ASCC3: variants seen among roughly 807,000 people sequenced by gnomAD.
ASCC3 encodes the protein activating signal cointegrator 1 complex subunit 3.
ASCC3 carries 158 observed loss-of-function variants against 256.3 expected under a neutral mutation model. The observed-to-expected ratio is 0.62, with a 90% CI of 0.54 to 0.70. The LOEUF is 0.70. Ranked by LOEUF, ASCC3 falls within the 30% of genes least tolerant of loss-of-function variation. The pLI is 0.00. For synonymous variants in ASCC3, 948 were observed against 883.4 expected (o/e 1.07, Z -1.30); for missense variants, 2,259 against 2,626.0 (o/e 0.86, Z 3.05).
intron 13 of ASCC3, among the ~76,000 whole-genome samples, chr6:100,704,917 A>G (rs1171364354): frequency 1.3e-5 from 2 of 152,108 alleles, no homozygotes; most frequent in African/African-American, 4.8e-5. Flanking sequence ...TAACTGTAAC[A>G]AAGTTTGTAT....
At chr6:100,540,610 T>C (rs1775409393) in intron 36 of ASCC3, among the ~76,000 whole-genome samples, 1 of 152,054 alleles carries the variant, frequency 6.6e-6, no homozygotes, top group South Asian at 2.1e-4. Context: ...GTATTTATAG[T>C]CAACAAAAAT....
chr6:100,749,510 T>G (rs1389744927), intron 10 of ASCC3, among the ~76,000 whole-genome samples: 3 of 152,018 alleles, frequency 2.0e-5, no homozygotes, highest in Non-Finnish European at 4.4e-5. Flanking sequence ...AAAATAAAAG[T>G]CACTTTTAAT....
chr6:100,575,695 A>G (rs1419188207), intron 36 of ASCC3, among the ~76,000 whole-genome samples: 2 of 152,234 alleles, frequency 1.3e-5, no homozygotes, highest in East Asian at 1.9e-4. Flanking sequence ...CATAAGAACC[A>G]TAACAACCGA....
chr6:100,835,938 T>C (rs1290683503), intron 4 of ASCC3, among the ~76,000 whole-genome samples: 1 of 152,166 alleles, frequency 6.6e-6, no homozygotes, highest in Non-Finnish European at 1.5e-5. Context: ...CAATGTTTTA[T>C]ATGTTTTCAA....
intron 37 of ASCC3, among the ~76,000 whole-genome samples, chr6:100,535,466 G>GTTTTTT (rs34575315): frequency 1.0e-4 from 10 of 98,654 alleles, no homozygotes; most frequent in East Asian, 3.1e-4. Flanking sequence ...TGGTTTTCGT[G>GTTTTTT]TTTTTTTTTT....
At chr6:100,853,420 C>CTTTTTT (rs11299576) in intron 3 of ASCC3, among the ~76,000 whole-genome samples, 8 of 127,668 alleles carry the variant, frequency 6.3e-5, no homozygotes, top group Admixed American at 8.1e-5. Flanking sequence ...ATAAATATTC[C>CTTTTTT]TTTTTTTTTT....
At chr6:100,681,725 C>CAAAAAAAAAAAAAAAAAAAAAAAAAAAAA (rs10696130) in intron 13 of ASCC3, among the ~76,000 whole-genome samples, 1 of 58,658 alleles carries the variant, frequency 1.7e-5, no homozygotes, top group Admixed American at 2.7e-4. Flanking sequence ...GACTCCGTCT[C>CAAAAAAAAAAAAAAAAAAAAAAAAAAAAA]AAAAAAAAAA....
intron 26 of ASCC3, among the ~76,000 whole-genome samples, chr6:100,629,860 C>T (rs1016782672): frequency 6.6e-6 from 1 of 151,832 alleles, no homozygotes; most frequent in African/African-American, 2.4e-5. Flanking sequence ...TAGCTCTGGG[C>T]TAACATCAAA....
Position 100,864,088 on chromosome 6 carries a change from T to G in ASCC3, c.217A>C (p.Ile73Leu). 1 of 1,588,814 alleles carries G rather than the reference T, an allele frequency of 6.3e-7. No homozygotes were observed. Among genetic ancestry groups the G allele is most frequent in the East Asian group, 2.2e-5 (1 of 44,640 alleles). ...MQSINEDLKD[I>L]LHAAKQIVGT... The stretch of plus-strand genomic sequence containing the variant: ...CCTATCTGCTTTGCAGCATGTAATA[T>G]ATCTTTTAAGTCTTCATTTATACTT... Residue 73 changes from isoleucine to leucine, a missense_variant, in exon 3 of 42, where the codon ATA (isoleucine) becomes CTA (leucine). By Grantham distance (5) the Ile-to-Leu change is conservative. This residue lies in a region of ASCC3 where 420 missense variants were observed against 419.3 expected (regional missense o/e 1.00). Transcript: ENST00000369162.
chr6:100,580,985 T>C lies in ASCC3; in HGVS notation c.5550+8649A>G, dbSNP rs1484657778. Reference sequence around the variant, plus strand: ...TTTTCTTAATCCAGTCTATCATTGTTGGACATTTGGCTTGGTTCCAAGTCT... The same window carrying C: ...TTTTCTTAATCCAGTCTATCATTGTCGGACATTTGGCTTGGTTCCAAGTCT... On this transcript the variant is annotated intron_variant, in intron 36 of 41. Transcript: ENST00000369162. Among the ~76,000 whole-genome samples, 4 of 152,196 alleles carry C rather than the reference T, an allele frequency of 2.6e-5. No homozygotes were observed. The South Asian group carries it at 8.3e-4, about 31-fold the overall frequency.
At chr6:100,562,898 A>T (rs537192069) in intron 36 of ASCC3, among the ~76,000 whole-genome samples, 1 of 152,200 alleles carries the variant, frequency 6.6e-6, no homozygotes, top group South Asian at 2.1e-4. Flanking sequence ...TGTTCTCATC[A>T]TCAGTATGTA....
intron 37 of ASCC3, among the ~76,000 whole-genome samples, chr6:100,538,952 C>T (rs886682470): frequency 1.3e-5 from 2 of 151,996 alleles, no homozygotes; most frequent in African/African-American, 4.8e-5. Flanking sequence ...GTATTCTTCC[C>T]CCACCAAAAC....
intron 3 of ASCC3, among the ~76,000 whole-genome samples, chr6:100,851,967 G>C (rs1345743528): frequency 1.3e-5 from 2 of 152,166 alleles, no homozygotes; most frequent in Admixed American, 1.3e-4. Context: ...TTCCCTAAGA[G>C]GCACCGACAT....
chr6:100,652,630 T>A, intron 18 of ASCC3, 95 bp downstream of exon 18: 1 of 1,292,002 alleles, frequency 7.7e-7, no homozygotes, highest in South Asian at 1.3e-5. Context: ...GATTTTGTTC[T>A]ATTATTTGCT....
chr6:100,806,200 T>TC (rs972529918), intron 4 of ASCC3, among the ~76,000 whole-genome samples: 20 of 152,054 alleles, frequency 1.3e-4, no homozygotes, highest in African/African-American at 4.6e-4. Context: ...AATTTGCTCT[T>TC]CAACATATCA....
At chr6:100,840,610 G>T (rs1015713673) in intron 4 of ASCC3, among the ~76,000 whole-genome samples, 1 of 148,974 alleles carries the variant, frequency 6.7e-6, no homozygotes, top group Non-Finnish European at 1.5e-5. Flanking sequence ...ATCTTCAATA[G>T]CAAATAATAA....
At chr6:100,843,494 A>G (rs1582949834) in intron 4 of ASCC3, among the ~76,000 whole-genome samples, 2 of 152,198 alleles carry the variant, frequency 1.3e-5, no homozygotes, top group East Asian at 3.9e-4. Flanking sequence ...AACTGATTAT[A>G]CAATAACTCT....
rs1235480216 is a variant in ASCC3, at chr6:100,589,575, G to C, written c.5550+59C>G. Reference sequence around the variant, plus strand: ...TCTGTTAAATTTCAAGACAAACTAGGTGGCAAAACTTTAAGCCCTAAATTA... The same window carrying C: ...TCTGTTAAATTTCAAGACAAACTAGCTGGCAAAACTTTAAGCCCTAAATTA... On this transcript the variant is annotated intron_variant, in intron 36 of 41. Transcript: ENST00000369162. 18 of 1,600,952 alleles carry C rather than the reference G, an allele frequency of 1.1e-5. No individual in the cohort carries two copies. The East Asian group carries it at 4.0e-4, about 36-fold the overall frequency.
At chr6:100,710,205 G>C (rs937974351) in intron 13 of ASCC3, among the ~76,000 whole-genome samples, 5 of 152,126 alleles carry the variant, frequency 3.3e-5, no homozygotes, top group Non-Finnish European at 5.9e-5. Context: ...AGCCAGACAA[G>C]AAAATAACTT....
Sources: gnomAD v4.1 joint callset for allele counts (sites outside exome capture counted in the v4.1 genomes callset) on GRCh38, gnomAD v4.1.1 for gene constraint, gnomAD v4.1.1 regional missense constraint, MANE v1.5 for transcripts, NCBI Gene and HGNC (gene_info 2026-07-23, HGNC 2026-07-21) for gene names.